USP33: variants seen among roughly 807,000 people sequenced by gnomAD.
The protein encoded by USP33 is ubiquitin specific peptidase 33.
In USP33, 46 loss-of-function variants were observed where a neutral mutation model predicts 124.2. The ratio of observed to expected loss-of-function variants is 0.37; its 90% CI spans 0.29 to 0.47. USP33 has a LOEUF of 0.47. Ranked by LOEUF, USP33 falls within the 20% of genes least tolerant of loss-of-function variation. The probability of loss-of-function intolerance (pLI) is 0.99; values close to 1 mark genes in which losing one functional copy is unlikely to be tolerated. For synonymous variants in USP33, 350 were observed against 352.3 expected (o/e 0.99, Z 0.07); for missense variants, 851 against 1,070.6 (o/e 0.79, Z 2.86).
At chr1:77,721,513 G>A (rs2101380768) in intron 14 of USP33, 2 of 503,152 alleles carry the variant, frequency 4.0e-6, no homozygotes, top group South Asian at 5.1e-5. Context: ...TAAATGATAT[G>A]GAGTAGTTCA....
chr1:77,705,420 C>G (rs1674518524), intron 21 of USP33, among the ~76,000 whole-genome samples: 1 of 152,010 alleles, frequency 6.6e-6, no homozygotes. Flanking sequence ...GTCTTGAACT[C>G]CTGACCTCAA....
At chr1:77,701,205 A>G (rs1673976654) in intron 22 of USP33, among the ~76,000 whole-genome samples, 164 bp downstream of exon 22, 2 of 152,238 alleles carry the variant, frequency 1.3e-5, no homozygotes, top group African/African-American at 2.4e-5. Context: ...AACAAAATTT[A>G]CAACCAACAG....
intron 5 of USP33, 40 bp downstream of exon 5, chr1:77,739,225 G>C (rs1373280725): frequency 6.4e-7 from 1 of 1,565,624 alleles, no homozygotes; most frequent in East Asian, 2.3e-5. Flanking sequence ...ATTATTACCG[G>C]AATGTTTTAC....
At chr1:77,718,515 GAATT>G in intron 16 of USP33, 77 bp downstream of exon 16, 3 of 1,126,072 alleles carry the variant, frequency 2.7e-6, no homozygotes, top group Non-Finnish European at 3.9e-6. Context: ...CAAGCAAAGA[GAATT>G]TATTACTACA....
rs1022075267 is a variant in USP33, at chr1:77,741,690, G to A, written c.8C>T (p.Ala3Val). The change falls in exon 2 of 24, where the codon GCT becomes GTT. Residue 3 changes from alanine (A) to valine (V), a missense_variant. Ala to Val is a moderately conservative substitution (Grantham distance 64). Coordinates refer to ENST00000370794, the MANE Select transcript of USP33 (RefSeq NM_201624.3). Reference sequence around the variant, plus strand: ...CAAATGTGGACAATGATTTCGAAAAGCTGACATTTTGTTAGGAATTTTTTC... The same window carrying A: ...CAAATGTGGACAATGATTTCGAAAAACTGACATTTTGTTAGGAATTTTTTC... MS[A>V]FRNHCPHLDS... is the part of the protein sequence containing the mutation. 6.2e-7 allele frequency: 1 copy of A among 1,604,274 alleles called. No individual in the cohort carries two copies. The highest frequency in any genetic ancestry group is 8.5e-7 in the Non-Finnish European group (1 of 1,176,068).
At position 77,741,710 on chromosome 1, in the gene USP33, T is replaced by A; in HGVS notation, c.-13A>T. The A allele has an allele frequency of 6.2e-7, 1 of 1,604,384 alleles. No homozygotes were observed. Among genetic ancestry groups the A allele is most frequent in the African/African-American group, 1.3e-5 (1 of 74,776 alleles). On this transcript the variant is annotated 5_prime_UTR_variant, in exon 2 of 24. Coordinates refer to ENST00000370794, the MANE Select transcript of USP33 (RefSeq NM_201624.3). ...GAAAAGCTGACATTTTGTTAGGAAT[T>A]TTTTCCTGTTTCCCAAGACTTTCAA...
At chr1:77,735,817 C>T (rs746225634) in intron 6 of USP33, among the ~76,000 whole-genome samples, 2 of 152,110 alleles carry the variant, frequency 1.3e-5, no homozygotes, top group Non-Finnish European at 2.9e-5. Flanking sequence ...GCAAGTTAAA[C>T]AAAAAGATCA....
intron 11 of USP33, among the ~76,000 whole-genome samples, chr1:77,724,984 G>C (rs1244314968): frequency 2.0e-5 from 3 of 152,146 alleles, no homozygotes; most frequent in Non-Finnish European, 4.4e-5. Flanking sequence ...AGAGGTTGCA[G>C]TGGGCCAAGA....
At chr1:77,697,975 C>CA (rs1413508117) in intron 22 of USP33, 44 bp from the exon 23 acceptor site, 5 of 1,528,804 alleles carry the variant, frequency 3.3e-6, no homozygotes, top group Middle Eastern at 1.8e-4. Flanking sequence ...AGAAATGTAA[C>CA]AAAAAATTGC....
rs569635168 is a variant in USP33 at position 77,743,003 on chromosome 1, C to T, written c.-51-1255G>A. ...TGCTGCCCAGGCTGGAGTGCAATGG[C>T]GTGATCTCAGCTCACCGCAAACTTC... is the stretch of plus-strand genomic sequence containing the variant. On this transcript the variant is annotated intron_variant, in intron 1 of 23. Transcript: ENST00000370794. Among the ~76,000 whole-genome samples the T allele has an allele frequency of 4.6e-5, 7 of 151,978 alleles. No individual in the cohort carries two copies. In the East Asian group the frequency reaches 9.7e-4, roughly 21 times the overall value.
chr1:77,702,091 G>A (rs1309899684), intron 21 of USP33, among the ~76,000 whole-genome samples: 6 of 131,034 alleles, frequency 4.6e-5, no homozygotes, highest in African/African-American at 8.5e-5. Context: ...ACAGTGAGCC[G>A]TGATTGTGCC....
intron 21 of USP33, among the ~76,000 whole-genome samples, chr1:77,709,028 A>T (rs1405093897): frequency 6.6e-6 from 1 of 152,074 alleles, no homozygotes; most frequent in Non-Finnish European, 1.5e-5. Flanking sequence ...CTTCATCGAG[A>T]TGGTGTCAGG....
At chr1:77,703,365 C>T (rs1004287944) in intron 21 of USP33, among the ~76,000 whole-genome samples, 37 of 152,294 alleles carry the variant, frequency 2.4e-4, no homozygotes, top group Middle Eastern at 6.8e-3. Flanking sequence ...CAGTGGCTCA[C>T]GCCTGTAATC....
intron 9 of USP33, among the ~76,000 whole-genome samples, chr1:77,729,576 C>A (rs1203685448): frequency 2.0e-5 from 3 of 151,988 alleles, no homozygotes; most frequent in Non-Finnish European, 4.4e-5. Flanking sequence ...AAGGCTGAGG[C>A]AGGAGAATCG....
chr1:77,709,442 G>A (rs1674987845), intron 21 of USP33, among the ~76,000 whole-genome samples: 1 of 152,062 alleles, frequency 6.6e-6, no homozygotes, highest in African/African-American at 2.4e-5. Context: ...TTTAGCCTAG[G>A]AGTTCAAGGT....
Position 77,701,417 on chromosome 1 carries a change from T to C in USP33, c.2461A>G (p.Met821Val), listed in dbSNP as rs1224037618. The part of the protein sequence containing the change: ...DSPATFYCIS[M>V]QWFREWESFV... Reference sequence around the variant, plus strand: ...CTTTCCCATTCTCTAAACCACTGCATACTGATGCAATAAAAAGTAGCTGGA... The same window carrying C: ...CTTTCCCATTCTCTAAACCACTGCACACTGATGCAATAAAAAGTAGCTGGA... Residue 821 changes from methionine (M) to valine (V), a missense_variant, in exon 22 of 24, where the codon ATG (methionine) becomes GTG (valine). Met to Val is a conservative substitution (Grantham distance 21). Transcript: ENST00000370794. 3.7e-6 allele frequency: 6 copies of C among 1,613,630 alleles called. No homozygotes were observed. The highest frequency in any genetic ancestry group is 5.1e-6 in the Non-Finnish European group (6 of 1,179,856).
intron 21 of USP33, among the ~76,000 whole-genome samples, chr1:77,703,007 A>C (rs894476211): frequency 7.9e-5 from 12 of 152,156 alleles, no homozygotes; most frequent in Admixed American, 3.3e-4. Context: ...GGACAAAGAC[A>C]ACCAAGTTCA....
chr1:77,735,351 GC>G (rs1678318934), intron 6 of USP33, among the ~76,000 whole-genome samples: 1 of 152,030 alleles, frequency 6.6e-6, no homozygotes, highest in Admixed American at 6.6e-5. Flanking sequence ...TGGATTTGGA[GC>G]AAAATGAAGA....
intron 21 of USP33, among the ~76,000 whole-genome samples, chr1:77,704,669 CTGTT>C (rs950257006): frequency 1.1e-4 from 16 of 152,144 alleles, no homozygotes; most frequent in African/African-American, 3.9e-4. Flanking sequence ...TTTCTTCCTT[CTGTT>C]TATCTTTTTG....
Sources: allele counts gnomAD v4.1 joint callset (sites outside exome capture counted in the v4.1 genomes callset), GRCh38; gene constraint gnomAD v4.1.1; transcripts MANE v1.5; gene names NCBI Gene and HGNC (gene_info 2026-07-23, HGNC 2026-07-21).